HNF4G: variants seen among roughly 807,000 people sequenced by gnomAD.
HNF4G encodes hepatocyte nuclear factor 4 gamma.
A neutral mutation model predicts 50.9 loss-of-function variants in HNF4G; 21 were observed. The observed-to-expected ratio is 0.41, with a 90% CI of 0.29 to 0.59. The LOEUF (loss-of-function observed/expected upper bound fraction) is 0.59. Among genes scored for constraint, HNF4G ranks in the 20% least tolerant of loss-of-function variants. HNF4G has a pLI of 0.26. For missense variants in HNF4G, 527 were observed against 559.4 expected, an observed-to-expected ratio of 0.94 and a Z score of 0.58; for synonymous variants, 198 against 185.6, an observed-to-expected ratio of 1.07 and a Z score of -0.54.
In HNF4G at chr8:75,430,491, A is replaced by C. The variant is rs955926510; in HGVS notation, c.-144+22329A>C. Among the ~76,000 whole-genome samples, 15 of 146,424 alleles carry C rather than the reference A, an allele frequency of 1.0e-4. 1 individual carries two copies. In the South Asian group the frequency reaches 3.2e-3, roughly 31 times the overall value. On this transcript the variant is annotated intron_variant, in intron 1 of 10. Transcript: ENST00000354370. ...GTAGGGAGTAGAGAGAGAGAGAGAGAGAGAGAGAGAGGGAGAGAGAGAGAG... is the reference window on the plus strand; with the variant it reads ...GTAGGGAGTAGAGAGAGAGAGAGAGCGAGAGAGAGAGGGAGAGAGAGAGAG...
intron 2 of HNF4G, chr8:75,495,389 T>C (rs1351965235): frequency 6.6e-6 from 1 of 152,128 alleles, no homozygotes; most frequent in Non-Finnish European, 1.5e-5. Context: ...ATTACTAACT[T>C]GTAATGTTTC....
chr8:75,488,195 C>G (rs1812537394), intron 1 of HNF4G, among the ~76,000 whole-genome samples: 1 of 152,148 alleles, frequency 6.6e-6, no homozygotes, highest in Non-Finnish European at 1.5e-5. Context: ...AAACAAGGGC[C>G]ACTTATTAGG....
intron 1 of HNF4G, among the ~76,000 whole-genome samples, chr8:75,453,471 A>G (rs1811635618): frequency 6.6e-6 from 1 of 152,114 alleles, no homozygotes; most frequent in South Asian, 2.1e-4. Context: ...ATGGGTGGGG[A>G]CAAATAAGGG....
intron 3 of HNF4G, among the ~76,000 whole-genome samples, chr8:75,549,609 A>AATT (rs1383528434): frequency 1.1e-4 from 15 of 130,576 alleles, no homozygotes; most frequent in African/African-American, 3.5e-4. Context: ...GTTTTTTTTT[A>AATT]ATTATTATTA....
At chr8:75,414,116 C>T (rs2926600) in intron 1 of HNF4G, among the ~76,000 whole-genome samples, 74,699 of 151,762 alleles carry the variant, frequency 0.49, 18,655 homozygotes, top group Middle Eastern at 0.57. Context: ...ACAATGAAGA[C>T]AAAGAACATT....
At chr8:75,547,748 A>G (rs1390863390) in intron 3 of HNF4G, 67 bp downstream of exon 3, 9 of 954,812 alleles carry the variant, frequency 9.4e-6, no homozygotes, top group African/African-American at 1.6e-5. Context: ...ACACATTCTC[A>G]TTGATTAGTA....
At chr8:75,478,099 C>T (rs1812283070) in intron 1 of HNF4G, among the ~76,000 whole-genome samples, 1 of 152,134 alleles carries the variant, frequency 6.6e-6, no homozygotes, top group Non-Finnish European at 1.5e-5. Context: ...ATCGCCTGAG[C>T]TCAGGAGATC....
chr8:75,500,857 G>C (rs1812908203), intron 2 of HNF4G, among the ~76,000 whole-genome samples: 1 of 152,114 alleles, frequency 6.6e-6, no homozygotes, highest in Non-Finnish European at 1.5e-5. Context: ...TCAGAGGCAA[G>C]GGGAGGGAGG....
intron 2 of HNF4G, among the ~76,000 whole-genome samples, chr8:75,525,447 C>G (rs1049230537): frequency 6.6e-6 from 1 of 152,140 alleles, no homozygotes; most frequent in Non-Finnish European, 1.5e-5. Context: ...GAATTACAGG[C>G]GTGAGCCACC....
chr8:75,527,939 G>A (rs1239961744), intron 2 of HNF4G, among the ~76,000 whole-genome samples: 1 of 152,166 alleles, frequency 6.6e-6, no homozygotes, highest in Non-Finnish European at 1.5e-5. Flanking sequence ...GAATTTAGTA[G>A]TTCAGAGAAA....
At chr8:75,438,952 TC>T (rs1811206572) in intron 1 of HNF4G, among the ~76,000 whole-genome samples, 1 of 152,084 alleles carries the variant, frequency 6.6e-6, no homozygotes, top group African/African-American at 2.4e-5. Flanking sequence ...TGAAAGGTAC[TC>T]CAAAACCATT....
chr8:75,508,443 G>A (rs2943577), intron 2 of HNF4G, among the ~76,000 whole-genome samples: 41,687 of 150,578 alleles, frequency 0.28, 6,385 homozygotes, highest in Middle Eastern at 0.45. Context: ...ATATTAAACA[G>A]TTAAATAAAA....
chr8:75,541,821 TGTATTAGATGACCCACTGTA>T (rs1379588932), intron 1 of HNF4G, among the ~76,000 whole-genome samples: 7 of 152,126 alleles, frequency 4.6e-5, no homozygotes, highest in African/African-American at 1.7e-4. Flanking sequence ...TTCAGAATTA[TGTATTAGATGACCCACTGTA>T]TCCTGGGCAT....
chr8:75,408,321 CG>C (rs774982085), intron 1 of HNF4G, among the ~76,000 whole-genome samples: 8 of 151,816 alleles, frequency 5.3e-5, no homozygotes, highest in Non-Finnish European at 1.0e-4. Context: ...GTGGCTGTAG[CG>C]GGTCATGTGA....
chr8:75,454,630 C>T (rs754176921), intron 1 of HNF4G, among the ~76,000 whole-genome samples: 4 of 152,284 alleles, frequency 2.6e-5, no homozygotes, highest in Admixed American at 6.5e-5. Context: ...CACAGAAGGC[C>T]TCTTCTCCCT....
chr8:75,466,199 C>T (rs1349551990), intron 1 of HNF4G, among the ~76,000 whole-genome samples: 1 of 152,100 alleles, frequency 6.6e-6, no homozygotes, highest in African/African-American at 2.4e-5. Context: ...TTCCTTTATA[C>T]TCATACCAAA....
intron 1 of HNF4G, among the ~76,000 whole-genome samples, chr8:75,426,785 T>C (rs1810900411): frequency 6.6e-6 from 1 of 152,192 alleles, no homozygotes; most frequent in African/African-American, 2.4e-5. Context: ...GAGGTAATGA[T>C]TGGCTAAGTA....
In HNF4G at chr8:75,565,936, T is replaced by G. The variant is rs1338132850; in HGVS notation, c.*1840T>G. On this transcript the variant is annotated 3_prime_UTR_variant, in exon 10 of 10. Transcript: ENST00000396423. ...TTTTTAACTCTTATTTTTTGAAAAT[T>G]TACTGTAGCTTCTATTTCGTGAATA... 2 of 152,120 alleles carry G rather than the reference T, an allele frequency of 1.3e-5. No homozygotes were observed. Among genetic ancestry groups the G allele is most frequent in the Admixed American group, 1.3e-4 (2 of 15,272 alleles). 9.4% of individuals were successfully genotyped at this position (152,120 alleles called of 1,614,324 possible).
At chr8:75,419,426 A>G (rs1045682181) in intron 1 of HNF4G, among the ~76,000 whole-genome samples, 5 of 152,340 alleles carry the variant, frequency 3.3e-5, no homozygotes, top group Non-Finnish European at 7.3e-5. Context: ...TCTTGAATCA[A>G]TGGAAAGAAA....
Sources: allele counts gnomAD v4.1 joint callset (sites outside exome capture counted in the v4.1 genomes callset), GRCh38; gene constraint gnomAD v4.1.1; transcripts MANE v1.5; gene names NCBI Gene and HGNC (gene_info 2026-07-23, HGNC 2026-07-21).